The following DIAPH3 variants were observed in gnomAD, a reference collection of about 807,000 sequenced individuals.
DIAPH3 encodes the protein protein diaphanous homolog 3.
In DIAPH3, 117 loss-of-function variants were observed where a neutral mutation model predicts 144.3. That is an observed-to-expected ratio of 0.81 (90% confidence interval 0.70 to 0.95). The LOEUF (loss-of-function observed/expected upper bound fraction) is 0.95. Ranked by LOEUF, DIAPH3 falls within the 40% of genes least tolerant of loss-of-function variation. The pLI, the probability that DIAPH3 is intolerant of heterozygous loss-of-function variation, is 0.00. For missense variants in DIAPH3, 1,421 were observed against 1,412.7 expected (o/e 1.01, Z -0.09); for synonymous variants, 519 against 488.9 (o/e 1.06, Z -0.81).
chr13:60,031,175 A>C (rs767306615), intron 5 of DIAPH3, among the ~76,000 whole-genome samples: 17 of 152,198 alleles, frequency 1.1e-4, no homozygotes, highest in Non-Finnish European at 2.5e-4. Context: ...CAGAAGGTGA[A>C]GGGGTAGCAG....
chr13:60,107,437 C>A (rs1224591629), intron 3 of DIAPH3, among the ~76,000 whole-genome samples: 2 of 151,878 alleles, frequency 1.3e-5, no homozygotes, highest in Non-Finnish European at 2.9e-5. Flanking sequence ...TTTTTGTATG[C>A]CTGAAATACT....
At chr13:59,685,156 A>G (rs1718781255) in intron 27 of DIAPH3, among the ~76,000 whole-genome samples, 2 of 152,012 alleles carry the variant, frequency 1.3e-5, no homozygotes, top group South Asian at 4.1e-4. Context: ...AAGGGTGGGA[A>G]GGAGATTTTC....
At chr13:59,861,372 C>T in intron 22 of DIAPH3, 35 bp downstream of exon 22, 1 of 1,613,376 alleles carries the variant, frequency 6.2e-7, no homozygotes, top group South Asian at 1.1e-5. Flanking sequence ...CACTGAAGAT[C>T]AGAGCCATGA....
At chr13:60,136,850 G>A (rs1264043124) in intron 1 of DIAPH3, among the ~76,000 whole-genome samples, 1 of 152,094 alleles carries the variant, frequency 6.6e-6, no homozygotes, top group Non-Finnish European at 1.5e-5. Context: ...TGAGACAGGA[G>A]AATGGCGTGA....
At chr13:59,812,426 G>C (rs1267892212) in intron 24 of DIAPH3, among the ~76,000 whole-genome samples, 1 of 152,214 alleles carries the variant, frequency 6.6e-6, no homozygotes, top group East Asian at 1.9e-4. Context: ...GGCGGAGAGG[G>C]GAGAAGGAAG....
At chr13:59,982,904 C>T (rs950398926) in intron 13 of DIAPH3, among the ~76,000 whole-genome samples, 1 of 151,436 alleles carries the variant, frequency 6.6e-6, no homozygotes, top group African/African-American at 2.4e-5. Context: ...ACACCAGTGA[C>T]ATCAGGAAAT....
chr13:59,794,709 G>T (rs972950658), intron 25 of DIAPH3, among the ~76,000 whole-genome samples: 2 of 151,942 alleles, frequency 1.3e-5, no homozygotes, highest in African/African-American at 2.4e-5. Flanking sequence ...GGGTCTCATT[G>T]TGTGGCCCAG....
intron 17 of DIAPH3, among the ~76,000 whole-genome samples, chr13:59,937,146 G>T (rs1159739258): frequency 6.7e-6 from 1 of 150,358 alleles, no homozygotes; most frequent in Non-Finnish European, 1.5e-5. Flanking sequence ...CTGGGCAACA[G>T]AGCAAGACTC....
intron 27 of DIAPH3, among the ~76,000 whole-genome samples, chr13:59,702,355 T>C (rs2034156776): frequency 6.6e-6 from 1 of 152,118 alleles, no homozygotes; most frequent in Non-Finnish European, 1.5e-5. Flanking sequence ...TTTCAGTCTT[T>C]AAAAAAAGAA....
chr13:59,966,490 A>C (rs1566583327), intron 17 of DIAPH3, among the ~76,000 whole-genome samples: 1 of 152,134 alleles, frequency 6.6e-6, no homozygotes, highest in Non-Finnish European at 1.5e-5. Context: ...TGAGGCACTG[A>C]TATATCACGT....
chr13:59,859,363 T>A (rs1220875431), intron 22 of DIAPH3, among the ~76,000 whole-genome samples: 1 of 151,888 alleles, frequency 6.6e-6, no homozygotes, highest in Non-Finnish European at 1.5e-5. Flanking sequence ...AAAAGAAAAA[T>A]ACCCAGAAGA....
intron 5 of DIAPH3, among the ~76,000 whole-genome samples, chr13:60,037,276 G>A (rs2055296744): frequency 6.6e-6 from 1 of 151,718 alleles, no homozygotes; most frequent in Non-Finnish European, 1.5e-5. Context: ...ATAATCTGGG[G>A]GGCGGGGACA....
chr13:59,816,160 A>G (rs1220788958), intron 24 of DIAPH3, among the ~76,000 whole-genome samples: 1 of 152,094 alleles, frequency 6.6e-6, no homozygotes, highest in Non-Finnish European at 1.5e-5. Context: ...GATAAACTCA[A>G]TTTGGACAGG....
At chr13:59,778,924 T>C (rs1170687890) in intron 25 of DIAPH3, among the ~76,000 whole-genome samples, 1 of 152,258 alleles carries the variant, frequency 6.6e-6, no homozygotes, top group South Asian at 2.1e-4. Flanking sequence ...TTTTCATTTT[T>C]ATTTTTAATT....
intron 25 of DIAPH3, among the ~76,000 whole-genome samples, chr13:59,789,187 AC>A (rs748202900): frequency 2.6e-5 from 4 of 152,176 alleles, no homozygotes; most frequent in Non-Finnish European, 5.9e-5. Context: ...AGTGATAATG[AC>A]ATTTAACAAA....
In DIAPH3 at chr13:59,812,424, G is replaced by T. The variant is rs192327154; in HGVS notation, c.3028-1501C>A. On this transcript the variant is annotated intron_variant, in intron 24 of 27. Coordinates refer to ENST00000400324, the MANE Select transcript of DIAPH3 (RefSeq NM_001042517.2). ...GAGAGAGAGGAAAGGAAGGCGGAGAGGGGAGAAGGAAGAGTGCATAAGAGA... is the reference window on the plus strand; with the variant it reads ...GAGAGAGAGGAAAGGAAGGCGGAGATGGGAGAAGGAAGAGTGCATAAGAGA... Among the ~76,000 whole-genome samples, 6 of 152,254 alleles carry T rather than the reference G, an allele frequency of 3.9e-5. No homozygotes were observed. In the East Asian group the frequency reaches 1.2e-3, roughly 29 times the overall value.
chr13:59,713,837 G>A (rs1459564091), intron 27 of DIAPH3, among the ~76,000 whole-genome samples: 4 of 152,206 alleles, frequency 2.6e-5, no homozygotes, highest in Non-Finnish European at 5.9e-5. Flanking sequence ...GCTGTGTGTG[G>A]ATGTGATGCC....
At chr13:59,736,511 G>A (rs2036160342) in intron 27 of DIAPH3, among the ~76,000 whole-genome samples, 2 of 152,000 alleles carry the variant, frequency 1.3e-5, no homozygotes, top group Non-Finnish European at 2.9e-5. Context: ...CCTCACTGTC[G>A]TTTTGAGACT....
In DIAPH3 at chr13:59,880,552, C is replaced by T. The variant is rs138110442; in HGVS notation, c.2368-1084G>A. On this transcript the variant is annotated intron_variant, in intron 20 of 27. Coordinates refer to ENST00000400324, the MANE Select transcript of DIAPH3 (RefSeq NM_001042517.2). The stretch of plus-strand genomic sequence containing the variant: ...ATGAAAATCATGATTGTTTGGGATA[C>T]AGAAAGCTATCAGCTCATAATATAA... Among the ~76,000 whole-genome samples, 262 of 152,052 alleles carry T rather than the reference C, an allele frequency of 1.7e-3. 1 individual carries two copies. Among genetic ancestry groups the T allele is most frequent in the Admixed American group, 4.1e-3 (63 of 15,270 alleles).
Sources: allele counts gnomAD v4.1 joint callset (sites outside exome capture counted in the v4.1 genomes callset), GRCh38; gene constraint gnomAD v4.1.1; transcripts MANE v1.5; gene names NCBI Gene and HGNC (gene_info 2026-07-23, HGNC 2026-07-21).